The following CACNA1H variants were observed in gnomAD, a reference collection of about 807,000 sequenced individuals.
CACNA1H encodes calcium voltage-gated channel subunit alpha1 H.
CACNA1H carries 149 observed loss-of-function variants against 192.5 expected under a neutral mutation model. That is an observed-to-expected ratio of 0.77 (90% CI 0.68 to 0.89). The LOEUF (loss-of-function observed/expected upper bound fraction) is 0.89, where lower values mean the gene tolerates loss of function less well. Among genes scored for constraint, CACNA1H ranks in the 40% least tolerant of loss-of-function variants. CACNA1H has a pLI of 0.00. For missense variants in CACNA1H, 4,257 were observed against 3,423.5 expected, an observed-to-expected ratio of 1.24 and a Z score of -6.08; for synonymous variants, 2,202 against 1,475.2, an observed-to-expected ratio of 1.49 and a Z score of -11.29.
At position 1,220,919 on chromosome 16, in the gene CACNA1H, C is replaced by T. The variant is rs749914526; in HGVS notation, c.6987C>T (p.Pro2329=). The change falls in exon 35 of 35, where the codon CCC becomes CCT. Residue 2329 remains proline, a synonymous_variant. Coordinates refer to ENST00000348261, the MANE Select transcript of CACNA1H (RefSeq NM_021098.3). The part of the protein sequence containing the change: ...EKRRGLYLTV[P]QCPLEKPGSP... ...GGCGGGGGCTGTACCTCACAGTCCC[C>T]CAGTGTCCTCTGGAGAAACCAGGGT... 5.0e-6 allele frequency: 8 copies of T among 1,611,382 alleles called. No individual in the cohort carries two copies. In the South Asian group the frequency reaches 6.6e-5, roughly 13 times the overall value.
At chr16:1,162,051 C>T (rs74368737) in intron 2 of CACNA1H, among the ~76,000 whole-genome samples, 1 of 152,300 alleles carries the variant, frequency 6.6e-6, no homozygotes, top group East Asian at 1.9e-4. Flanking sequence ...CGTGTCACCT[C>T]CTGGGCGTTG....
At chr16:1,188,980 A>T (rs927267550) in intron 2 of CACNA1H, among the ~76,000 whole-genome samples, 8 of 151,666 alleles carry the variant, frequency 5.3e-5, no homozygotes, top group Non-Finnish European at 1.2e-4. Context: ...GGCCCCTTGG[A>T]GGGCCCCCCC....
intron 12 of CACNA1H, chr16:1,206,790 C>T: frequency 1.8e-6 from 1 of 551,322 alleles, no homozygotes. Flanking sequence ...GTTCTCTCGC[C>T]TGTGGAATGG....
Position 1,211,215 on chromosome 16 carries a change from T to C in CACNA1H, c.4271T>C (p.Ile1424Thr), listed in dbSNP as rs1184480366. 2 of 1,613,020 alleles carry C rather than the reference T, an allele frequency of 1.2e-6. No individual in the cohort carries two copies. The highest frequency in any genetic ancestry group is 2.2e-5 in the East Asian group (1 of 44,860). Residue 1424 changes from isoleucine (I) to threonine (T), a missense_variant, in exon 22 of 35, where the codon ATA (isoleucine) becomes ACA (threonine). Ile to Thr is a moderately conservative substitution (Grantham distance 89). Coordinates refer to ENST00000348261, the MANE Select transcript of CACNA1H (RefSeq NM_021098.3). ...CTCAAGCTGGTGGTGGAGACGCTGA[T>C]ATCATCACTCAGGCCCATTGGGAAC... ...PGLKLVVETL[I>T]SSLRPIGNIV...
At position 1,200,265 on chromosome 16, in the gene CACNA1H, C is replaced by T. The variant is rs1240029362; in HGVS notation, c.813C>T (p.Asn271=). The change falls in exon 7 of 35, where the codon AAC becomes AAT. Residue 271 remains asparagine (N), a synonymous_variant. Transcript: ENST00000348261. ...FLDSAFVRNN[N]LTFLRPYYQT... ...CTGTGCCCATCCCCAGGAACAACAA[C>T]CTGACCTTCCTGCGGCCGTACTACC... The T allele has an allele frequency of 6.3e-7, 1 of 1,599,662 alleles. No individual in the cohort carries two copies. The highest frequency in any genetic ancestry group is 8.5e-7 in the Non-Finnish European group (1 of 1,172,858).
chr16:1,207,439 GC>G lies in CACNA1H; in HGVS notation c.3063+10del. On this transcript the variant is annotated intron_variant, in intron 14 of 34. Transcript: ENST00000348261. ...AGGGCTTCCAGGCGGAGGTGAGGGG[GC>G]AGGGAGAGGGGCTGCCAGGAGGAGG... 4 of 1,612,166 alleles carry G rather than the reference GC, an allele frequency of 2.5e-6. No homozygotes were observed. The highest frequency in any genetic ancestry group is 3.4e-6 in the Non-Finnish European group (4 of 1,179,466).
intron 2 of CACNA1H, among the ~76,000 whole-genome samples, chr16:1,173,886 G>A (rs985120387): frequency 1.3e-5 from 2 of 152,194 alleles, no homozygotes; most frequent in African/African-American, 4.8e-5. Flanking sequence ...ACGTGGGGCT[G>A]TGGACATTTA....
chr16:1,203,397 A>G (rs1025189583), intron 9 of CACNA1H, among the ~76,000 whole-genome samples: 3 of 152,146 alleles, frequency 2.0e-5, no homozygotes, highest in African/African-American at 7.2e-5. Context: ...CTGCTGTTAT[A>G]TTTCTGTGGA....
intron 27 of CACNA1H, among the ~76,000 whole-genome samples, chr16:1,214,321 C>T (rs1264907533): frequency 6.6e-6 from 1 of 152,344 alleles, no homozygotes; most frequent in Admixed American, 6.5e-5. Context: ...TTCGTCCTCC[C>T]AGCCTTTTAG....
intron 2 of CACNA1H, among the ~76,000 whole-genome samples, chr16:1,165,445 A>G (rs577428598): frequency 2.6e-5 from 4 of 152,158 alleles, no homozygotes; most frequent in African/African-American, 9.7e-5. Context: ...AAGGAGGATG[A>G]GGCCTATGGT....
chr16:1,210,758 C>G (rs934456300), intron 20 of CACNA1H, 29 bp from the exon 21 acceptor site: 3 of 1,596,940 alleles, frequency 1.9e-6, no homozygotes, highest in Admixed American at 1.7e-5. Context: ...ACGCCTGAGC[C>G]TGAGCTCAGT....
intron 2 of CACNA1H, among the ~76,000 whole-genome samples, chr16:1,162,435 C>T (rs984923984): frequency 2.6e-5 from 4 of 152,198 alleles, no homozygotes; most frequent in South Asian, 2.1e-4. Context: ...TAACAGGAGT[C>T]AGCCCCTTTC....
In CACNA1H at chr16:1,207,336, G is replaced by A; in HGVS notation, c.2969G>A (p.Trp990Ter). 1 of 1,611,828 alleles carries A rather than the reference G, an allele frequency of 6.2e-7. No individual in the cohort carries two copies. The highest frequency in any genetic ancestry group is 8.5e-7 in the Non-Finnish European group (1 of 1,179,242). ...LYNGMASTSS[W>*]AALYFVALMT... is the part of the protein sequence containing the mutation. Reference sequence around the variant, plus strand: ...AACGGCATGGCCTCCACCTCCTCCTGGGCCGCCCTCTACTTCGTGGCCCTC... The same window carrying A: ...AACGGCATGGCCTCCACCTCCTCCTAGGCCGCCCTCTACTTCGTGGCCCTC... Residue 990 changes from tryptophan to a stop codon, truncating the protein, a stop_gained, in exon 14 of 35, where the codon TGG (tryptophan) becomes TAG (stop). Transcript: ENST00000348261. LOFTEE classifies it high-confidence loss of function.
rs551167639 is a variant in CACNA1H at position 1,210,008 on chromosome 16, C to T, written c.3745-27C>T. The T allele has an allele frequency of 5.2e-6, 8 of 1,528,622 alleles. No individual in the cohort carries two copies. The East Asian group carries it at 1.2e-4, about 23-fold the overall frequency. 94.7% of individuals were successfully genotyped at this position (1,528,622 alleles called of 1,614,324 possible). The stretch of plus-strand genomic sequence containing the variant: ...GGGGCCGGGCAGGCAGGCGCAGGCT[C>T]TGAGAAGCCGCCGCCTCATCCCACA... On this transcript the variant is annotated intron_variant, in intron 17 of 34. Transcript: ENST00000348261.
At chr16:1,210,558 G>T in intron 19 of CACNA1H, 25 bp from the exon 20 acceptor site, 1 of 1,609,738 alleles carries the variant, frequency 6.2e-7, no homozygotes, top group South Asian at 1.1e-5. Context: ...AGTGGACACA[G>T]CCCCCCACCG....
intron 26 of CACNA1H, among the ~76,000 whole-genome samples, 165 bp downstream of exon 26, chr16:1,212,693 G>T (rs962473974): frequency 6.6e-6 from 1 of 152,186 alleles, no homozygotes; most frequent in Non-Finnish European, 1.5e-5. Context: ...CCAGTGTCCG[G>T]GCTGCTGTGT....
At chr16:1,200,012 G>T (rs1967626512) in intron 6 of CACNA1H, among the ~76,000 whole-genome samples, 1 of 152,134 alleles carries the variant, frequency 6.6e-6, no homozygotes, top group Non-Finnish European at 1.5e-5. Flanking sequence ...GGAGAGTGTG[G>T]TTTCTGCAGC....
chr16:1,156,497 A>C (rs1175067494), intron 2 of CACNA1H, among the ~76,000 whole-genome samples: 1 of 152,002 alleles, frequency 6.6e-6, no homozygotes, highest in East Asian at 1.9e-4. Flanking sequence ...AGAGCGCTTC[A>C]GATTCCTGGG....
rs1005272060 is a variant in CACNA1H, at chr16:1,167,854, G to T, written c.299+13818G>T. Among the ~76,000 whole-genome samples, 1 of 152,192 alleles carries T rather than the reference G, an allele frequency of 6.6e-6. No individual in the cohort carries two copies. Among genetic ancestry groups the T allele is most frequent in the African/African-American group, 2.4e-5 (1 of 41,462 alleles). On this transcript the variant is annotated intron_variant, in intron 2 of 34. Transcript: ENST00000348261. The surrounding 1 kb of genome is among the most constrained non-coding windows in gnomAD (Gnocchi z 4.2). Reference sequence around the variant, plus strand: ...AGGTTGGGGCGTGGCCTGGCCGTCCGTCCGCGGGGCCCGGGCTGCCCATGG... The same window carrying T: ...AGGTTGGGGCGTGGCCTGGCCGTCCTTCCGCGGGGCCCGGGCTGCCCATGG...
Sources: allele counts gnomAD v4.1 joint callset (sites outside exome capture counted in the v4.1 genomes callset), GRCh38; gene constraint gnomAD v4.1.1; non-coding constraint Gnocchi (gnomAD v3.1); transcripts MANE v1.5; gene names NCBI Gene and HGNC (gene_info 2026-07-23, HGNC 2026-07-21).